CDH13: variants seen among roughly 807,000 people sequenced by gnomAD.
The protein encoded by CDH13 is cadherin-13.
A neutral mutation model predicts 63.8 loss-of-function variants in CDH13; 24 were observed. The observed-to-expected ratio is 0.38, with a 90% CI of 0.27 to 0.53. The LOEUF (loss-of-function observed/expected upper bound fraction) is 0.53, where lower values mean the gene tolerates loss of function less well. CDH13 is among the 20% of genes least tolerant of loss of function. The pLI, the probability that CDH13 is intolerant of heterozygous loss-of-function variation, is 0.85. For synonymous variants in CDH13, 503 were observed against 355.3 expected, an observed-to-expected ratio of 1.42 and a Z score of -4.67; for missense variants, 1,049 against 903.1, an observed-to-expected ratio of 1.16 and a Z score of -2.07.
At position 82,644,048 on chromosome 16, in the gene CDH13, T is replaced by G. The variant is rs1909762194; in HGVS notation, c.45+16911T>G. ...TGACTTTTAAAAGTAGTAAGTGGTTTAGGATGGGGGGTGGTATGGAGGTCG... is the reference window on the plus strand; with the variant it reads ...TGACTTTTAAAAGTAGTAAGTGGTTGAGGATGGGGGGTGGTATGGAGGTCG... On this transcript the variant is annotated intron_variant, in intron 1 of 13. Coordinates refer to ENST00000567109, the MANE Select transcript of CDH13 (RefSeq NM_001257.5). This position sits in a 1 kb window ranked among gnomAD's most constrained non-coding sequence, Gnocchi z 5.7. Among the ~76,000 whole-genome samples the G allele has an allele frequency of 6.6e-6, 1 of 152,060 alleles. No individual in the cohort carries two copies. Among genetic ancestry groups the G allele is most frequent in the Non-Finnish European group, 1.5e-5 (1 of 68,002 alleles).
At chr16:83,005,754 T>G (rs1913427005) in intron 2 of CDH13, among the ~76,000 whole-genome samples, 1 of 152,230 alleles carries the variant, frequency 6.6e-6, no homozygotes, top group Admixed American at 6.5e-5. Context: ...TTCTTTTGCT[T>G]TGTTTTGTTT....
chr16:82,747,658 T>A (rs2034238257), intron 1 of CDH13, among the ~76,000 whole-genome samples: 1 of 152,204 alleles, frequency 6.6e-6, no homozygotes, highest in African/African-American at 2.4e-5. Flanking sequence ...CTTTAATGCT[T>A]ACGAGAGTTG....
intron 5 of CDH13, among the ~76,000 whole-genome samples, chr16:83,239,324 T>C (rs1051315288): frequency 2.0e-5 from 3 of 152,178 alleles, no homozygotes; most frequent in African/African-American, 7.2e-5. Flanking sequence ...CTGGGCACTT[T>C]GTCAAGGGTG....
At chr16:82,738,715 C>G (rs1423427949) in intron 1 of CDH13, among the ~76,000 whole-genome samples, 1 of 152,202 alleles carries the variant, frequency 6.6e-6, no homozygotes, top group African/African-American at 2.4e-5. Flanking sequence ...CCTGTGCATT[C>G]TCTAGTGCAT....
chr16:83,678,279 C>T lies in CDH13; in HGVS notation c.1356C>T (p.Pro452=), dbSNP rs192533470. 6.8e-6 allele frequency: 11 copies of T among 1,613,970 alleles called. No individual in the cohort carries two copies. The highest frequency in any genetic ancestry group is 4.0e-5 in the African/African-American group (3 of 75,036). Residue 452 remains proline, a synonymous_variant, in exon 10 of 14, where the codon CCC becomes CCT. Transcript: ENST00000567109. The stretch of plus-strand genomic sequence containing the variant: ...TGGAAAATGAAGACCCACTCGTACC[C>T]GACGTCTCCTACGGCCCCAGCTCCA... ...IKVENEDPLV[P]DVSYGPSSTA...
rs185941133 is a variant in CDH13, at chr16:83,183,421, T to C, written c.484-33924T>C. Among the ~76,000 whole-genome samples the C allele has an allele frequency of 1.9e-4, 29 of 152,308 alleles. 1 individual carries two copies. Among genetic ancestry groups the C allele is most frequent in the Non-Finnish European group, 8.8e-5 (6 of 68,030 alleles). ...GCCATGGATTTGTTTCCTAGGGAAC[T>C]AGTGAGTGAGGAAGATCTATAATTA... is the stretch of plus-strand genomic sequence containing the variant. On this transcript the variant is annotated intron_variant, in intron 4 of 13. Coordinates refer to ENST00000567109, the MANE Select transcript of CDH13 (RefSeq NM_001257.5).
intron 5 of CDH13, among the ~76,000 whole-genome samples, chr16:83,337,276 G>A (rs2090619713): frequency 6.6e-6 from 1 of 152,146 alleles, no homozygotes. Flanking sequence ...CCCAGGTGCT[G>A]GGATGCCAGG....
intron 5 of CDH13, among the ~76,000 whole-genome samples, chr16:83,339,339 C>T (rs1291535819): frequency 6.6e-6 from 1 of 152,110 alleles, no homozygotes; most frequent in Non-Finnish European, 1.5e-5. Context: ...GCTCAAAAAT[C>T]CTTGCCTCCA....
chr16:82,953,149 G>C (rs1371008494), intron 2 of CDH13: 1 of 152,100 alleles, frequency 6.6e-6, no homozygotes, highest in Non-Finnish European at 1.5e-5. Context: ...CTTGGCGTGG[G>C]CTAGCATCTT....
intron 6 of CDH13, among the ~76,000 whole-genome samples, chr16:83,352,814 C>T (rs531878138): frequency 3.6e-4 from 55 of 152,104 alleles, no homozygotes; most frequent in Non-Finnish European, 5.7e-4. Flanking sequence ...GGCATGAACC[C>T]GGGAGGCGGA....
chr16:83,087,031 G>A (rs1348065987), intron 3 of CDH13, among the ~76,000 whole-genome samples: 6 of 152,136 alleles, frequency 3.9e-5, no homozygotes, highest in Non-Finnish European at 7.3e-5. Flanking sequence ...GCGGACTAAG[G>A]CTACCAAAGA....
intron 7 of CDH13, among the ~76,000 whole-genome samples, chr16:83,526,474 C>A (rs929851738): frequency 1.3e-5 from 2 of 152,170 alleles, no homozygotes; most frequent in African/African-American, 4.8e-5. Context: ...CAAGCTAGAT[C>A]CCTTGCATGC....
intron 7 of CDH13, among the ~76,000 whole-genome samples, chr16:83,572,596 A>G (rs1478359560): frequency 6.6e-6 from 1 of 152,120 alleles, no homozygotes; most frequent in Non-Finnish European, 1.5e-5. Context: ...CCCAAAATAA[A>G]TCCCTGATCC....
intron 5 of CDH13, among the ~76,000 whole-genome samples, chr16:83,292,249 C>T (rs936121528): frequency 1.3e-5 from 2 of 152,184 alleles, no homozygotes; most frequent in African/African-American, 4.8e-5. Context: ...GTGGTACTTT[C>T]TCCTTTGCAC....
chr16:83,262,401 A>G (rs898858131), intron 5 of CDH13, among the ~76,000 whole-genome samples: 7 of 152,226 alleles, frequency 4.6e-5, no homozygotes, highest in South Asian at 2.1e-4. Flanking sequence ...ATGCTTGTCA[A>G]TTAATGTAGA....
intron 4 of CDH13, among the ~76,000 whole-genome samples, chr16:83,207,039 A>C (rs78657570): frequency 0.014 from 2,085 of 152,360 alleles, 29 homozygotes; most frequent in Middle Eastern, 0.027. Flanking sequence ...TGAATAGTTT[A>C]ATCAGTTAAT....
intron 5 of CDH13, among the ~76,000 whole-genome samples, chr16:83,343,707 CATATT>C (rs1451597978): frequency 6.6e-6 from 1 of 152,102 alleles, no homozygotes; most frequent in Non-Finnish European, 1.5e-5. Context: ...ATTCTTGAGA[CATATT>C]ATATGATAGA....
At chr16:83,785,757 G>C (rs1332321333) in intron 13 of CDH13, among the ~76,000 whole-genome samples, 4 of 152,080 alleles carry the variant, frequency 2.6e-5, no homozygotes, top group African/African-American at 7.2e-5. Context: ...TTTAAAAGTA[G>C]CTACCCATAC....
At chr16:82,945,499 C>T (rs1407056761) in intron 2 of CDH13, among the ~76,000 whole-genome samples, 1 of 152,158 alleles carries the variant, frequency 6.6e-6, no homozygotes, top group African/African-American at 2.4e-5. Flanking sequence ...TCGGTAGTTT[C>T]TACGAGGATG....
Sources: gnomAD v4.1 joint callset for allele counts (sites outside exome capture counted in the v4.1 genomes callset) on GRCh38, gnomAD v4.1.1 for gene constraint, Gnocchi (gnomAD v3.1) non-coding constraint, MANE v1.5 for transcripts, NCBI Gene and HGNC (gene_info 2026-07-23, HGNC 2026-07-21) for gene names.